The following DIP2C variants were observed in gnomAD, a reference collection of about 807,000 sequenced individuals.
The protein encoded by DIP2C is disco-interacting protein 2 homolog C.
In DIP2C, 33 loss-of-function variants were observed where a neutral mutation model predicts 192.4. The ratio of observed to expected loss-of-function variants is 0.17; its 90% CI spans 0.13 to 0.23. The LOEUF is 0.23. Among genes scored for constraint, DIP2C ranks in the 10% least tolerant of loss-of-function variants. The pLI, the probability that DIP2C is intolerant of heterozygous loss-of-function variation, is 1.00. For synonymous variants in DIP2C, 979 were observed against 864.1 expected (o/e 1.13, Z -2.33); for missense variants, 1,537 against 2,110.1 (o/e 0.73, Z 5.32).
At chr10:650,233 T>C (rs1855772347) in intron 1 of DIP2C, 1 of 717,098 alleles carries the variant, frequency 1.4e-6, no homozygotes, top group Non-Finnish European at 2.6e-6. Context: ...TGTTCCCTGT[T>C]CCCTTCCCCT....
At chr10:475,855 G>A (rs1971014517) in intron 2 of DIP2C, among the ~76,000 whole-genome samples, 2 of 152,206 alleles carry the variant, frequency 1.3e-5, no homozygotes, top group Admixed American at 6.5e-5. Flanking sequence ...ACCGCACAGG[G>A]CCCAGGGGCA....
At chr10:463,917 G>A (rs1420471790) in intron 3 of DIP2C, among the ~76,000 whole-genome samples, 1 of 152,142 alleles carries the variant, frequency 6.6e-6, no homozygotes, top group Admixed American at 6.5e-5. Context: ...TTTAATAAAT[G>A]GTGTTGGGGA....
intron 1 of DIP2C, among the ~76,000 whole-genome samples, chr10:594,354 A>G (rs1208872571): frequency 6.6e-6 from 1 of 152,140 alleles, no homozygotes; most frequent in Non-Finnish European, 1.5e-5. Flanking sequence ...GGCACGGCCG[A>G]GTACAAACCA....
At chr10:578,924 G>A (rs564653520) in intron 1 of DIP2C, among the ~76,000 whole-genome samples, 1 of 151,292 alleles carries the variant, frequency 6.6e-6, no homozygotes, top group African/African-American at 2.4e-5. Context: ...TGTGCACATA[G>A]GCACACTGTA....
chr10:341,565 C>T (rs926251283), intron 28 of DIP2C, among the ~76,000 whole-genome samples: 9 of 152,120 alleles, frequency 5.9e-5, no homozygotes, highest in South Asian at 4.2e-4. Flanking sequence ...CTGTGTTGAA[C>T]GCATCGGGCC....
rs539436023 is a variant in DIP2C, at chr10:460,326, C to A, written c.268+12113G>T. Among the ~76,000 whole-genome samples the A allele has an allele frequency of 3.3e-5, 5 of 152,154 alleles. No homozygotes were observed. The South Asian group carries it at 1.0e-3, about 32-fold the overall frequency. On this transcript the variant is annotated intron_variant, in intron 3 of 36. Transcript: ENST00000280886. ...GTAATGAAGTGCTTAAAATCGACTC[C>A]AATACATTCTAGGTGCTCAATAAAT...
chr10:338,703 G>T (rs1957992533), intron 29 of DIP2C, among the ~76,000 whole-genome samples: 1 of 152,130 alleles, frequency 6.6e-6, no homozygotes, highest in Non-Finnish European at 1.5e-5. Flanking sequence ...ACACGGAGCC[G>T]ATCTCCCTCG....
intron 4 of DIP2C, among the ~76,000 whole-genome samples, chr10:424,846 C>T (rs904839372): frequency 6.6e-6 from 1 of 152,324 alleles, no homozygotes; most frequent in South Asian, 2.1e-4. Context: ...TCCAAGAAAC[C>T]TGAAGGATAA....
intron 1 of DIP2C, among the ~76,000 whole-genome samples, chr10:647,112 G>A (rs1855495319): frequency 6.6e-6 from 1 of 152,020 alleles, no homozygotes; most frequent in African/African-American, 2.4e-5. Context: ...GAGGGAAACT[G>A]AGTCCACGTC....
chr10:493,448 T>TGG (rs560656817), intron 1 of DIP2C, among the ~76,000 whole-genome samples: 1 of 152,076 alleles, frequency 6.6e-6, no homozygotes, highest in Non-Finnish European at 1.5e-5. Flanking sequence ...TTTTTGGTGT[T>TGG]GGGGGGAGCG....
At chr10:285,130 CTGAG>C (rs764500704) in intron 34 of DIP2C, among the ~76,000 whole-genome samples, 2 of 135,522 alleles carry the variant, frequency 1.5e-5, no homozygotes, top group Non-Finnish European at 3.1e-5. Flanking sequence ...ATGTATGTGA[CTGAG>C]AGAGGTCAAG....
chr10:676,096 G>T (rs891066639), intron 1 of DIP2C, among the ~76,000 whole-genome samples: 1 of 152,134 alleles, frequency 6.6e-6, no homozygotes, highest in Non-Finnish European at 1.5e-5. Flanking sequence ...AGGATGCAAG[G>T]ATGGCTCAAC....
chr10:573,293 G>T (rs1226753887), intron 1 of DIP2C, among the ~76,000 whole-genome samples: 1 of 152,036 alleles, frequency 6.6e-6, no homozygotes, highest in Non-Finnish European at 1.5e-5. Flanking sequence ...TTGCTACAAT[G>T]TAATGAAAAA....
chr10:614,948 CCAAGAGA>C (rs547041941), intron 1 of DIP2C, among the ~76,000 whole-genome samples: 13 of 152,310 alleles, frequency 8.5e-5, no homozygotes, highest in African/African-American at 2.2e-4. Context: ...GTTGCCTCAG[CCAAGAGA>C]CAAGAGACAA....
At chr10:626,777 G>A (rs1854231817) in intron 1 of DIP2C, among the ~76,000 whole-genome samples, 1 of 143,170 alleles carries the variant, frequency 7.0e-6, no homozygotes, top group South Asian at 2.1e-4. Context: ...GCCCAGGAAG[G>A]ATGGAACACC....
intron 3 of DIP2C, among the ~76,000 whole-genome samples, chr10:446,112 G>A (rs561891407): frequency 1.3e-4 from 20 of 149,740 alleles, no homozygotes; most frequent in African/African-American, 5.1e-4. Flanking sequence ...ATGGTCCACT[G>A]GGCAACTGTA....
At chr10:327,605 C>G (rs999483958) in intron 30 of DIP2C, among the ~76,000 whole-genome samples, 24 of 152,170 alleles carry the variant, frequency 1.6e-4, no homozygotes, top group African/African-American at 5.8e-4. Flanking sequence ...CTATGCTGCC[C>G]AGGCTGGAGT....
intron 3 of DIP2C, among the ~76,000 whole-genome samples, chr10:455,138 T>C (rs931901621): frequency 2.0e-5 from 3 of 152,202 alleles, no homozygotes; most frequent in Non-Finnish European, 4.4e-5. Context: ...CAGGAAGACG[T>C]AGGTTCGGGA....
chr10:659,204 C>T (rs976592201), intron 1 of DIP2C, among the ~76,000 whole-genome samples: 2 of 152,218 alleles, frequency 1.3e-5, no homozygotes, highest in African/African-American at 4.8e-5. Flanking sequence ...GGAGCATCCA[C>T]GCATGCATAC....
Sources: gnomAD v4.1 joint callset for allele counts (sites outside exome capture counted in the v4.1 genomes callset) on GRCh38, gnomAD v4.1.1 for gene constraint, MANE v1.5 for transcripts, NCBI Gene and HGNC (gene_info 2026-07-23, HGNC 2026-07-21) for gene names.